ARL14EPL: variants seen among roughly 807,000 people sequenced by gnomAD.
The protein encoded by ARL14EPL is ARL14 effector protein-like.
In ARL14EPL, 17 loss-of-function variants were observed where a neutral mutation model predicts 15.9. The ratio of observed to expected loss-of-function variants is 1.07; its 90% CI spans 0.73 to 1.60. The LOEUF is 1.60. ARL14EPL is among the 40% of genes most tolerant of loss of function. The pLI is 0.00. For missense variants in ARL14EPL, 214 were observed against 185.9 expected, an observed-to-expected ratio of 1.15 and a Z score of -0.88; for synonymous variants, 78 against 63.8, an observed-to-expected ratio of 1.22 and a Z score of -1.06.
intron 1 of ARL14EPL, among the ~76,000 whole-genome samples, chr5:116,049,765 G>A (rs1749335932): frequency 6.6e-6 from 1 of 152,204 alleles, no homozygotes; most frequent in Non-Finnish European, 1.5e-5. Context: ...AACTCCAGCA[G>A]TGCTATAAAA....
At chr5:116,048,442 G>T (rs937760164) in intron 1 of ARL14EPL, among the ~76,000 whole-genome samples, 1 of 152,058 alleles carries the variant, frequency 6.6e-6, no homozygotes, top group Admixed American at 6.6e-5. Context: ...GATCCCTTTG[G>T]CAGACAGTGA....
intron 1 of ARL14EPL, among the ~76,000 whole-genome samples, chr5:116,037,273 T>C (rs147732350): frequency 3.0e-3 from 462 of 152,340 alleles, no homozygotes; most frequent in African/African-American, 0.011. Flanking sequence ...TTGAAACACA[T>C]GGACTATATG....
chr5:116,044,810 A>G (rs1027708676), intron 1 of ARL14EPL, among the ~76,000 whole-genome samples: 2 of 152,098 alleles, frequency 1.3e-5, no homozygotes, highest in Non-Finnish European at 2.9e-5. Context: ...ACAGCATTAA[A>G]CTGTAGAAGC....
Position 116,058,799 on chromosome 5 carries a change from A to T in ARL14EPL, c.311A>T (p.Asn104Ile). 6.5e-7 allele frequency: 1 copy of T among 1,535,986 alleles called. No homozygotes were observed. Among genetic ancestry groups the T allele is most frequent in the Non-Finnish European group, 8.7e-7 (1 of 1,146,884 alleles). ...DADLCDCLEK[N>I]CLGCFYPCPK... is the part of the protein sequence containing the mutation. ...GATCTGTGTGATTGTCTAGAGAAGA[A>T]CTGCCTGGGCTGCTTCTACCCATGC... is the stretch of plus-strand genomic sequence containing the variant. Residue 104 changes from asparagine (N) to isoleucine (I), a missense_variant, in exon 4 of 4, where the codon AAC (asparagine) becomes ATC (isoleucine). Physicochemically the swap from Asn to Ile is moderately radical, Grantham distance 149. Coordinates refer to ENST00000686077, the MANE Select transcript of ARL14EPL (RefSeq NM_001195581.2).
At position 116,059,052 on chromosome 5, in the gene ARL14EPL, A is replaced by G; in HGVS notation, c.*105A>G. On this transcript the variant is annotated 3_prime_UTR_variant, in exon 4 of 4. Transcript: ENST00000686077. The stretch of plus-strand genomic sequence containing the variant: ...CTTGGGGGAAATATCGAAAAAACAT[A>G]CTGAAGACTCATGTTCTGTCAAGCC... The G allele has an allele frequency of 2.9e-6, 3 of 1,033,280 alleles. No homozygotes were observed. The highest frequency in any genetic ancestry group is 1.5e-5 in the South Asian group (1 of 66,276). 64.0% of individuals were successfully genotyped at this position (1,033,280 alleles called of 1,614,324 possible).
In ARL14EPL at chr5:116,051,598, G is replaced by GGA. The variant is rs61388478; in HGVS notation, c.96+39_96+40dup. On this transcript the variant is annotated intron_variant, in intron 2 of 3. Coordinates refer to ENST00000686077, the MANE Select transcript of ARL14EPL (RefSeq NM_001195581.2). ...AGATTCTATGATTCCATGCTACTGG[G>GGA]GAGTGCCCCCTCGAGGATCTCTGAG... 14,640 of 1,476,788 alleles carry GGA rather than the reference G, an allele frequency of 9.9e-3. 727 individuals carry two copies. The East Asian group carries it at 0.17, about 17-fold the overall frequency. 91.5% of individuals were successfully genotyped at this position (1,476,788 alleles called of 1,614,324 possible). A position where few individuals can be genotyped will look rare whatever the true frequency, so the allele number is the denominator to read the frequency against.
At chr5:116,035,556 G>A (rs767268688) in intron 1 of ARL14EPL, among the ~76,000 whole-genome samples, 3 of 152,232 alleles carry the variant, frequency 2.0e-5, no homozygotes, top group Non-Finnish European at 4.4e-5. Context: ...GTAAGGCTGA[G>A]AAAACATCGA....
intron 1 of ARL14EPL, among the ~76,000 whole-genome samples, chr5:116,049,748 A>G (rs1039138850): frequency 6.6e-5 from 10 of 152,254 alleles, no homozygotes; most frequent in African/African-American, 2.4e-4. Flanking sequence ...ATGAGAGGGC[A>G]GTAAGAAACT....
Position 116,058,835 on chromosome 5 carries a change from A to G in ARL14EPL, c.347A>G (p.Asn116Ser). Residue 116 changes from asparagine (N) to serine (S), a missense_variant, in exon 4 of 4, where the codon AAC becomes AGC. Physicochemically the swap from Asn to Ser is conservative, Grantham distance 46 (BLOSUM62 1). Transcript: ENST00000686077. ...TGCTTCTACCCATGCCCGAAGTGTA[A>G]CTCCAACAAGTGTGGGCCCGAGTGC... Reference protein sequence around the residue: ...LGCFYPCPKCNSNKCGPECRC... With the variant: ...LGCFYPCPKCSSNKCGPECRC... 1 of 1,535,982 alleles carries G rather than the reference A, an allele frequency of 6.5e-7. No homozygotes were observed. Among genetic ancestry groups the G allele is most frequent in the African/African-American group, 1.4e-5 (1 of 73,112 alleles).
At chr5:116,046,447 A>G (rs1253365416) in intron 1 of ARL14EPL, among the ~76,000 whole-genome samples, 1 of 152,206 alleles carries the variant, frequency 6.6e-6, no homozygotes, top group Non-Finnish European at 1.5e-5. Flanking sequence ...TGATAAACGT[A>G]TGAGTCATTT....
At chr5:116,049,190 A>T (rs1230499702) in intron 1 of ARL14EPL, among the ~76,000 whole-genome samples, 1 of 152,234 alleles carries the variant, frequency 6.6e-6, no homozygotes, top group Non-Finnish European at 1.5e-5. Context: ...GGAGAAAATT[A>T]TACCTACTTT....
intron 3 of ARL14EPL, among the ~76,000 whole-genome samples, chr5:116,057,004 A>T (rs966294867): frequency 6.6e-6 from 1 of 152,214 alleles, no homozygotes; most frequent in Non-Finnish European, 1.5e-5. Flanking sequence ...ATCCCTGATG[A>T]ACATCAATGC....
rs189048194 is a variant in ARL14EPL, at chr5:116,046,900, A to G, written c.-9-4557A>G. ...GGTAATTAAGTTTAAATGAGGTCCT[A>G]GGGTGTGGGCCTAATCTGATAGAAT... On this transcript the variant is annotated intron_variant, in intron 1 of 3. Transcript: ENST00000686077. Among the ~76,000 whole-genome samples the G allele has an allele frequency of 4.5e-3, 689 of 152,294 alleles. 7 individuals carry two copies. The highest frequency in any genetic ancestry group is 0.015 in the African/African-American group (632 of 41,562).
intron 1 of ARL14EPL, among the ~76,000 whole-genome samples, chr5:116,046,753 AG>A (rs769614366): frequency 2.3e-4 from 35 of 152,210 alleles, no homozygotes; most frequent in Non-Finnish European, 4.1e-4. Context: ...CATTTTCTGA[AG>A]GGATTTTTAA....
intron 1 of ARL14EPL, among the ~76,000 whole-genome samples, chr5:116,036,981 T>C (rs945060683): frequency 6.6e-6 from 1 of 152,160 alleles, no homozygotes; most frequent in Non-Finnish European, 1.5e-5. Flanking sequence ...TTTGCAACTC[T>C]CCTCCTCTGA....
intron 3 of ARL14EPL, among the ~76,000 whole-genome samples, chr5:116,057,056 A>G (rs910098682): frequency 6.6e-6 from 1 of 152,344 alleles, no homozygotes; most frequent in African/African-American, 2.4e-5. Context: ...ATCCAGCAGC[A>G]TATCAAAAAG....
At chr5:116,047,212 T>C (rs1749284640) in intron 1 of ARL14EPL, among the ~76,000 whole-genome samples, 1 of 152,242 alleles carries the variant, frequency 6.6e-6, no homozygotes, top group Non-Finnish European at 1.5e-5. Flanking sequence ...GTGGCTCATG[T>C]GCCCTAAACG....
In ARL14EPL at chr5:116,059,484, G is replaced by A. The variant is rs1749598119; in HGVS notation, c.*537G>A. 1 of 152,160 alleles carries A rather than the reference G, an allele frequency of 6.6e-6. No individual in the cohort carries two copies. The highest frequency in any genetic ancestry group is 1.5e-5 in the Non-Finnish European group (1 of 68,150). 9.4% of individuals were successfully genotyped at this position (152,160 alleles called of 1,614,324 possible). Reference sequence around the variant, plus strand: ...TTTAATAACATTAAAATGAAATTTAGTAATACTTGGTAGTATTTTTAATCA... The same window carrying A: ...TTTAATAACATTAAAATGAAATTTAATAATACTTGGTAGTATTTTTAATCA... On this transcript the variant is annotated 3_prime_UTR_variant, in exon 4 of 4. Coordinates refer to ENST00000686077, the MANE Select transcript of ARL14EPL (RefSeq NM_001195581.2).
intron 1 of ARL14EPL, among the ~76,000 whole-genome samples, chr5:116,044,331 G>T (rs1199258493): frequency 1.3e-5 from 2 of 152,098 alleles, no homozygotes; most frequent in Admixed American, 6.6e-5. Context: ...CCAAACCCTG[G>T]TGGCAGAGGA....
Sources: allele counts gnomAD v4.1 joint callset (sites outside exome capture counted in the v4.1 genomes callset), GRCh38; gene constraint gnomAD v4.1.1; transcripts MANE v1.5; gene names NCBI Gene and HGNC (gene_info 2026-07-23, HGNC 2026-07-21).